NRCAM: variants seen among roughly 807,000 people sequenced by gnomAD.
The protein encoded by NRCAM is neuronal cell adhesion molecule, also known as NgCAM-related cell adhesion molecule.
A neutral mutation model predicts 156.5 loss-of-function variants in NRCAM; 83 were observed. That is an observed-to-expected ratio of 0.53 (90% CI 0.44 to 0.64). NRCAM has a LOEUF of 0.64. Among genes scored for constraint, NRCAM ranks in the 30% least tolerant of loss-of-function variants. NRCAM has a pLI of 0.00. For missense variants in NRCAM, 1,417 were observed against 1,597.3 expected (o/e 0.89, Z 1.92); for synonymous variants, 538 against 563.9 (o/e 0.95, Z 0.65).
chr7:108,406,123 GAAC>G (rs1347655210), intron 1 of NRCAM, among the ~76,000 whole-genome samples: 2 of 151,944 alleles, frequency 1.3e-5, no homozygotes, highest in Non-Finnish European at 2.9e-5. Flanking sequence ...TAAATACTGT[GAAC>G]AACAAATAAA....
At chr7:108,355,488 G>A (rs548525097) in intron 2 of NRCAM, among the ~76,000 whole-genome samples, 8 of 152,296 alleles carry the variant, frequency 5.3e-5, no homozygotes, top group African/African-American at 1.7e-4. Flanking sequence ...AGAAGCCCAA[G>A]TACAAAGAGA....
chr7:108,366,296 T>G (rs1375819088), intron 2 of NRCAM, among the ~76,000 whole-genome samples: 1 of 152,208 alleles, frequency 6.6e-6, no homozygotes, highest in African/African-American at 2.4e-5. Context: ...TGTCCCATGC[T>G]CTGGTTAATA....
At chr7:108,317,392 G>T (rs1391434487) in intron 2 of NRCAM, among the ~76,000 whole-genome samples, 3 of 152,108 alleles carry the variant, frequency 2.0e-5, no homozygotes, top group Non-Finnish European at 4.4e-5. Flanking sequence ...TGATTAGAGG[G>T]TATTAAATAA....
chr7:108,172,633 A>C (rs2058912295), intron 28 of NRCAM, among the ~76,000 whole-genome samples: 1 of 152,200 alleles, frequency 6.6e-6, no homozygotes, highest in Non-Finnish European at 1.5e-5. Context: ...AAATATGCCA[A>C]TCAACTATAA....
intron 2 of NRCAM, among the ~76,000 whole-genome samples, chr7:108,387,528 TA>T (rs2099744598): frequency 6.6e-6 from 1 of 152,120 alleles, no homozygotes; most frequent in Non-Finnish European, 1.5e-5. Flanking sequence ...AAAAGGTAGG[TA>T]TTTTTATCCT....
intron 1 of NRCAM, among the ~76,000 whole-genome samples, chr7:108,411,990 C>T (rs1277271242): frequency 6.6e-6 from 1 of 152,084 alleles, no homozygotes; most frequent in Non-Finnish European, 1.5e-5. Context: ...TATGTATACA[C>T]AGATCCCCCA....
chr7:108,432,240 GT>G (rs1030550101), intron 1 of NRCAM, among the ~76,000 whole-genome samples: 2 of 152,314 alleles, frequency 1.3e-5, no homozygotes, highest in African/African-American at 4.8e-5. Flanking sequence ...TAAAGAAAAG[GT>G]TAATGTCATT....
intron 1 of NRCAM, among the ~76,000 whole-genome samples, chr7:108,429,080 TA>T (rs1325338868): frequency 6.6e-6 from 1 of 152,240 alleles, no homozygotes; most frequent in African/African-American, 2.4e-5. Context: ...TTATGTTCTA[TA>T]TATGTCCTTA....
chr7:108,432,592 G>A (rs996940315), intron 1 of NRCAM, among the ~76,000 whole-genome samples: 2 of 152,176 alleles, frequency 1.3e-5, no homozygotes, highest in African/African-American at 4.8e-5. Context: ...ATACAGACAT[G>A]GGGAAAAAAA....
chr7:108,286,494 G>A (rs544795705), intron 3 of NRCAM, among the ~76,000 whole-genome samples: 78 of 152,082 alleles, frequency 5.1e-4, no homozygotes, highest in Non-Finnish European at 8.5e-4. Context: ...AAAAAGGAAG[G>A]AGGTGGAAGA....
intron 2 of NRCAM, among the ~76,000 whole-genome samples, chr7:108,398,183 C>T (rs1218347850): frequency 6.6e-6 from 1 of 152,182 alleles, no homozygotes; most frequent in Admixed American, 6.5e-5. Flanking sequence ...CAAAGTCCTT[C>T]CTTTCCCAAG....
intron 1 of NRCAM, among the ~76,000 whole-genome samples, chr7:108,404,489 A>T (rs1377972504): frequency 6.6e-6 from 1 of 152,208 alleles, no homozygotes; most frequent in East Asian, 1.9e-4. Context: ...TTAAAAAGTA[A>T]GTTTCAATAA....
At chr7:108,435,933 C>A (rs2154474190) in intron 1 of NRCAM, among the ~76,000 whole-genome samples, 1 of 152,280 alleles carries the variant, frequency 6.6e-6, no homozygotes, top group East Asian at 1.9e-4. Context: ...GAGATCCAGA[C>A]CATCCTGGCT....
intron 3 of NRCAM, among the ~76,000 whole-genome samples, chr7:108,245,237 C>G (rs371012977): frequency 6.6e-6 from 1 of 152,084 alleles, no homozygotes; most frequent in Non-Finnish European, 1.5e-5. Context: ...TGCCTCACCC[C>G]GAGAGGTCCC....
intron 1 of NRCAM, among the ~76,000 whole-genome samples, chr7:108,421,276 C>T (rs1238305902): frequency 2.0e-5 from 3 of 152,034 alleles, no homozygotes; most frequent in African/African-American, 7.2e-5. Context: ...TAGTGTGAGC[C>T]GGATATTAGT....
intron 10 of NRCAM, among the ~76,000 whole-genome samples, chr7:108,224,765 T>C (rs566806168): frequency 5.9e-5 from 9 of 152,144 alleles, no homozygotes; most frequent in Non-Finnish European, 1.2e-4. Flanking sequence ...TTAGTTTTCC[T>C]AAGAATTTAG....
chr7:108,348,529 A>G (rs1018376981), intron 2 of NRCAM, among the ~76,000 whole-genome samples: 5 of 152,184 alleles, frequency 3.3e-5, no homozygotes, highest in African/African-American at 1.2e-4. Flanking sequence ...GGAGAGGATC[A>G]AAGGCAAAAA....
At chr7:108,398,981 GT>G (rs2099784426) in intron 2 of NRCAM, among the ~76,000 whole-genome samples, 1 of 152,084 alleles carries the variant, frequency 6.6e-6, no homozygotes, top group South Asian at 2.1e-4. Flanking sequence ...AGTAGAAATT[GT>G]TTTTCTTACT....
At chr7:108,250,440 A>AAC (rs1411361592) in intron 3 of NRCAM, among the ~76,000 whole-genome samples, 2 of 151,302 alleles carry the variant, frequency 1.3e-5, no homozygotes, top group East Asian at 3.9e-4. Context: ...AAAAAAAAAA[A>AAC]AAAAAAAAAA....
Sources: allele counts gnomAD v4.1 joint callset (sites outside exome capture counted in the v4.1 genomes callset), GRCh38; gene constraint gnomAD v4.1.1; transcripts MANE v1.5; gene names NCBI Gene and HGNC (gene_info 2026-07-23, HGNC 2026-07-21).